Variants in BBS2 observed in about 807,000 individuals in gnomAD.
BBS2 encodes Bardet-Biedl syndrome 2, also known as BBSome complex member BBS2.
A neutral mutation model predicts 83.0 loss-of-function variants in BBS2; 62 were observed. The observed-to-expected ratio is 0.75, with a 90% CI of 0.61 to 0.92. The LOEUF is 0.92. Among genes scored for constraint, BBS2 ranks in the 40% least tolerant of loss-of-function variants. The pLI, the probability that BBS2 is intolerant of heterozygous loss-of-function variation, is 0.00. For synonymous variants in BBS2, 303 were observed against 326.1 expected, an observed-to-expected ratio of 0.93 and a Z score of 0.76; for missense variants, 784 against 901.0, an observed-to-expected ratio of 0.87 and a Z score of 1.66.
Position 56,490,338 on chromosome 16 carries a change from T to C in BBS2, c.1911-4600A>G, listed in dbSNP as rs1597006131. Among the ~76,000 whole-genome samples the C allele has an allele frequency of 5.3e-5, 8 of 152,048 alleles. No individual in the cohort carries two copies. In the South Asian group the frequency reaches 1.5e-3, roughly 28 times the overall value. On this transcript the variant is annotated intron_variant, in intron 15 of 16. Transcript: ENST00000245157. ...ACCCTGCTGTTAAAGAAAACTTTTC[T>C]AACAGTAATTCAAAATGTAAAAGTA...
At chr16:56,518,673 ATAAGT>A (rs1397733935) in intron 1 of BBS2, among the ~76,000 whole-genome samples, 1 of 101,116 alleles carries the variant, frequency 9.9e-6, no homozygotes, top group South Asian at 3.4e-4. Flanking sequence ...TGTGCCTGTT[ATAAGT>A]TATTAGCGTT....
downstream of BBS2, among the ~76,000 whole-genome samples, chr16:56,479,513 A>G (rs1471919159): frequency 4.6e-5 from 7 of 152,186 alleles, no homozygotes; most frequent in Non-Finnish European, 8.8e-5. Flanking sequence ...AGACTATATA[A>G]ATAACACATG....
downstream of BBS2, among the ~76,000 whole-genome samples, chr16:56,481,254 T>A (rs569470815): frequency 5.9e-5 from 9 of 152,036 alleles, no homozygotes; most frequent in African/African-American, 2.2e-4. Flanking sequence ...GGACAGACAA[T>A]CCCAAGCAGA....
At chr16:56,498,788 A>T in intron 12 of BBS2, 1 of 1,283,030 alleles carries the variant, frequency 7.8e-7, no homozygotes, top group Non-Finnish European at 1.0e-6. Flanking sequence ...CACCTCACCT[A>T]TGCTCTTAAG....
At chr16:56,488,696 A>G (rs1253733518) in intron 15 of BBS2, among the ~76,000 whole-genome samples, 1 of 152,086 alleles carries the variant, frequency 6.6e-6, no homozygotes, top group Non-Finnish European at 1.5e-5. Context: ...TAGGTGATCA[A>G]CTTAACTCTC....
In BBS2 at chr16:56,511,289, G is replaced by A; in HGVS notation, c.346-5C>T. 6.2e-7 allele frequency: 1 copy of A among 1,613,790 alleles called. No homozygotes were observed. Among genetic ancestry groups the A allele is most frequent in the South Asian group, 1.1e-5 (1 of 91,068 alleles). Reference sequence around the variant, plus strand: ...TGCATTTGCCCCATCTGCTACCTAAGAAAAGTAAAAGGACACATTATCTTA... The same window carrying A: ...TGCATTTGCCCCATCTGCTACCTAAAAAAAGTAAAAGGACACATTATCTTA... On this transcript the variant is annotated splice_polypyrimidine_tract_variant and splice_region_variant and intron_variant, in intron 2 of 16. Coordinates refer to ENST00000245157, the MANE Select transcript of BBS2 (RefSeq NM_031885.5).
At chr16:56,498,950 T>C (rs1341171256) in intron 12 of BBS2, 4 of 341,148 alleles carry the variant, frequency 1.2e-5, no homozygotes, top group East Asian at 1.5e-4. Context: ...CTGGACAATG[T>C]AGCGTGCTTA....
chr16:56,483,741 C>T (rs912193863), downstream of BBS2, among the ~76,000 whole-genome samples: 7 of 151,684 alleles, frequency 4.6e-5, no homozygotes, highest in African/African-American at 1.7e-4. Flanking sequence ...GCTCTTGTCA[C>T]CCAGGCTGGA....
rs1406609870 is a variant in BBS2, at chr16:56,502,469, A to C, written c.941-13T>G. On this transcript the variant is annotated splice_polypyrimidine_tract_variant and intron_variant, in intron 8 of 16. Coordinates refer to ENST00000245157, the MANE Select transcript of BBS2 (RefSeq NM_031885.5). ...AGGTAGCCCCGGACTGAACAGAAGG[A>C]AAAAACCGCAAGTATAACCAGGTAT... The C allele has an allele frequency of 1.2e-6, 2 of 1,614,198 alleles. No individual in the cohort carries two copies. The highest frequency in any genetic ancestry group is 2.2e-5 in the South Asian group (2 of 91,086).
rs769430910 is a variant in BBS2 at position 56,499,870 on chromosome 16, G to A, written c.1435C>T (p.Pro479Ser). ...GTCAGCGCATACATGGAGAATCGAG[G>A]GAGCTGTCTTGTCGATTCAAATACA... ...FHVFESTRQL[P>S]RFSMYALTSL... Residue 479 changes from proline to serine, a missense_variant, in exon 12 of 17, where the codon CCT (proline) becomes TCT (serine). Pro to Ser is a moderately conservative substitution (Grantham distance 74). Transcript: ENST00000245157. 8 of 1,614,106 alleles carry A rather than the reference G, an allele frequency of 5.0e-6. No homozygotes were observed. Among genetic ancestry groups the A allele is most frequent in the South Asian group, 1.1e-5 (1 of 91,082 alleles).
intron 2 of BBS2, among the ~76,000 whole-genome samples, chr16:56,513,765 A>G (rs1458953487): frequency 6.6e-6 from 1 of 152,180 alleles, no homozygotes; most frequent in Non-Finnish European, 1.5e-5. Context: ...AAAATTGATG[A>G]TGGTGATGGT....
intron 2 of BBS2, among the ~76,000 whole-genome samples, chr16:56,512,812 C>G (rs1163794916): frequency 6.6e-6 from 1 of 152,110 alleles, no homozygotes; most frequent in East Asian, 1.9e-4. Context: ...CACAGAAGGT[C>G]TGTGCATTTT....
chr16:56,494,883 AC>A (rs1964069648), intron 15 of BBS2, among the ~76,000 whole-genome samples: 1 of 150,162 alleles, frequency 6.7e-6, no homozygotes, highest in Non-Finnish European at 1.5e-5. Context: ...AATGGCATGA[AC>A]CCGGGAGGCG....
Position 56,506,154 on chromosome 16 carries a change from A to G in BBS2, c.683T>C (p.Val228Ala), listed in dbSNP as rs141663591. 6.2e-7 allele frequency: 1 copy of G among 1,613,924 alleles called. No individual in the cohort carries two copies. Among genetic ancestry groups the G allele is most frequent in the African/African-American group, 1.3e-5 (1 of 74,920 alleles). Residue 228 changes from valine to alanine, a missense_variant, in exon 6 of 17, where the codon GTT (valine) becomes GCT (alanine). By Grantham distance (64) the Val-to-Ala change is moderately conservative. Coordinates refer to ENST00000245157, the MANE Select transcript of BBS2 (RefSeq NM_031885.5). ...CCAGTATCGGGATGTTTTGTCATAA[A>G]CTCCAACTGTGCCATTGGAAAGGGC... ...GYALSNGTVG[V>A]YDKTSRYWRI... is the part of the protein sequence containing the mutation.
At chr16:56,481,267 G>A (rs530238914), downstream of BBS2, among the ~76,000 whole-genome samples, 29 of 151,948 alleles carry the variant, frequency 1.9e-4, no homozygotes, top group Admixed American at 1.2e-3. Flanking sequence ...CAAGCAGAGC[G>A]GCAGATGCTA....
In BBS2 at chr16:56,484,554, T is replaced by G; in HGVS notation, c.*207A>C. The G allele has an allele frequency of 1.9e-6, 1 of 516,762 alleles. No homozygotes were observed. The highest frequency in any genetic ancestry group is 1.9e-5 in the African/African-American group (1 of 52,098). The allele number at this position is 516,762 out of a possible 1,614,324, so 32.0% of individuals were successfully genotyped here. A position where few individuals can be genotyped will look rare whatever the true frequency, so the allele number is the denominator to read the frequency against. The stretch of plus-strand genomic sequence containing the variant: ...CATCCTATTCCATAAAAACCTAGTA[T>G]TATTCAGCAACAGTACTACTACTGA... On this transcript the variant is annotated 3_prime_UTR_variant, in exon 17 of 17. Transcript: ENST00000245157.
In BBS2 at chr16:56,491,709, T is replaced by C. The variant is rs369782471; in HGVS notation, c.1910+5258A>G. 5.5e-5 allele frequency among the ~76,000 whole-genome samples: 6 copies of C among 108,582 alleles called. No homozygotes were observed. In the East Asian group the frequency reaches 1.7e-3, roughly 30 times the overall value. 71.2% of individuals were successfully genotyped at this position (108,582 alleles called of 152,430 possible). A position where few individuals can be genotyped will look rare whatever the true frequency, so the allele number is the denominator to read the frequency against. ...CCCAATACTGAACATAATAAATGGC[T>C]CCTACAACTCAACAGCAAAAAAAAA... is the stretch of plus-strand genomic sequence containing the variant. On this transcript the variant is annotated intron_variant, in intron 15 of 16. Coordinates refer to ENST00000245157, the MANE Select transcript of BBS2 (RefSeq NM_031885.5).
chr16:56,506,209 A>C lies in BBS2; in HGVS notation c.628T>G (p.Cys210Gly). 7 of 1,613,716 alleles carry C rather than the reference A, an allele frequency of 4.3e-6. No individual in the cohort carries two copies. The highest frequency in any genetic ancestry group is 5.9e-6 in the Non-Finnish European group (7 of 1,179,722). Reference protein sequence around the residue: ...MTETEIVTSLCPMYGSRFGYA... With the variant: ...MTETEIVTSLGPMYGSRFGYA... ...CCAAATCGACTGCCATACATGGGAC[A>C]AAGAGAGGTGACTATCTGCAAAACA... The change falls in exon 6 of 17, where the codon TGT becomes GGT. Residue 210 changes from cysteine (C) to glycine (G), a missense_variant. Cys to Gly is a radical substitution (Grantham distance 159). Transcript: ENST00000245157.
At chr16:56,493,063 G>C (rs1359644977) in intron 15 of BBS2, among the ~76,000 whole-genome samples, 1 of 152,074 alleles carries the variant, frequency 6.6e-6, no homozygotes, top group African/African-American at 2.4e-5. Flanking sequence ...CCATGGTGGA[G>C]AAATCTCCAA....
Sources: gnomAD v4.1 joint callset for allele counts (sites outside exome capture counted in the v4.1 genomes callset) on GRCh38, gnomAD v4.1.1 for gene constraint, MANE v1.5 for transcripts, NCBI Gene and HGNC (gene_info 2026-07-23, HGNC 2026-07-21) for gene names.